TMTC4: variants seen among roughly 807,000 people sequenced by gnomAD.
The protein encoded by TMTC4 is protein O-mannosyl-transferase TMTC4.
A neutral mutation model predicts 86.0 loss-of-function variants in TMTC4; 65 were observed. The ratio of observed to expected loss-of-function variants is 0.76; its 90% CI spans 0.62 to 0.93. TMTC4 has a LOEUF of 0.93. Ranked by LOEUF, TMTC4 falls within the 40% of genes least tolerant of loss-of-function variation. The pLI, the probability that TMTC4 is intolerant of heterozygous loss-of-function variation, is 0.00. For synonymous variants in TMTC4, 379 were observed against 382.5 expected, an observed-to-expected ratio of 0.99 and a Z score of 0.11; for missense variants, 866 against 948.1, an observed-to-expected ratio of 0.91 and a Z score of 1.14.
chr13:100,667,966 ATAG>A (rs1202538371), intron 3 of TMTC4, among the ~76,000 whole-genome samples: 1 of 152,210 alleles, frequency 6.6e-6, no homozygotes, highest in African/African-American at 2.4e-5. Context: ...GCACTGATAC[ATAG>A]CAACCACTGG....
In TMTC4 at chr13:100,663,106, A is replaced by G; in HGVS notation, c.410T>C (p.Ile137Thr). 6.2e-7 allele frequency: 1 copy of G among 1,614,238 alleles called. No homozygotes were observed. The highest frequency in any genetic ancestry group is 8.5e-7 in the Non-Finnish European group (1 of 1,180,048). The change falls in exon 5 of 19, where the codon ATC becomes ACC. Residue 137 changes from isoleucine to threonine, a missense_variant. Physicochemically the swap from Ile to Thr is moderately conservative, Grantham distance 89. Transcript: ENST00000342624. Reference protein sequence around the residue: ...HVVNILLHSGISVLMVDVFSV... With the variant: ...HVVNILLHSGTSVLMVDVFSV... ...GAAGACGTCCACCATGAGGACAGAG[A>G]TGCCACTGTGCAGGAGGATGTTGAC...
chr13:100,654,105 A>G (rs1005265086), intron 6 of TMTC4, among the ~76,000 whole-genome samples: 1 of 152,164 alleles, frequency 6.6e-6, no homozygotes, highest in Non-Finnish European at 1.5e-5. Context: ...GGTCAACAGA[A>G]AGCATTCTTC....
Position 100,664,180 on chromosome 13 carries a change from C to A in TMTC4, c.335+41G>T. Reference sequence around the variant, plus strand: ...ACCTGTATCCAATGTCACACACAAGCTGGGAGGGACCTTCCCAGGCCCTTC... The same window carrying A: ...ACCTGTATCCAATGTCACACACAAGATGGGAGGGACCTTCCCAGGCCCTTC... On this transcript the variant is annotated intron_variant, in intron 4 of 18. Transcript: ENST00000342624. 3 of 1,531,586 alleles carry A rather than the reference C, an allele frequency of 2.0e-6. No individual in the cohort carries two copies. In the South Asian group the frequency reaches 3.8e-5, roughly 19 times the overall value. 94.9% of individuals were successfully genotyped at this position (1,531,586 alleles called of 1,614,324 possible).
At chr13:100,628,592 T>C (rs1566586312) in intron 12 of TMTC4, among the ~76,000 whole-genome samples, 1 of 152,138 alleles carries the variant, frequency 6.6e-6, no homozygotes. Context: ...ATAGGAATTT[T>C]ACCTCCATTT....
At chr13:100,651,500 A>AG (rs1165668023) in intron 6 of TMTC4, among the ~76,000 whole-genome samples, 2 of 19,654 alleles carry the variant, frequency 1.0e-4, no homozygotes, top group Non-Finnish European at 3.7e-4. Flanking sequence ...ATGCACCAAA[A>AG]AAAAAAAAAA....
At chr13:100,656,288 A>G (rs1230885624) in intron 6 of TMTC4, 93 bp downstream of exon 6, 13 of 1,091,488 alleles carry the variant, frequency 1.2e-5, no homozygotes, top group Non-Finnish European at 1.6e-5. Context: ...ACACACTCAC[A>G]TAGATGGATT....
chr13:100,660,603 C>T (rs1356479148), intron 5 of TMTC4, among the ~76,000 whole-genome samples: 3 of 151,462 alleles, frequency 2.0e-5, no homozygotes, highest in Non-Finnish European at 4.4e-5. Context: ...GGGAGGAGCT[C>T]GCCTGCCACC....
At chr13:100,619,662 T>C (rs1445465031) in intron 15 of TMTC4, among the ~76,000 whole-genome samples, 2 of 152,238 alleles carry the variant, frequency 1.3e-5, no homozygotes, top group Non-Finnish European at 1.5e-5. Context: ...TTGCTAAAGA[T>C]GTTGTGGGAA....
intron 15 of TMTC4, among the ~76,000 whole-genome samples, chr13:100,616,708 C>T (rs1203018607): frequency 6.6e-6 from 1 of 152,166 alleles, no homozygotes; most frequent in Admixed American, 6.5e-5. Flanking sequence ...ATAACAGCCA[C>T]TCTGACTGGT....
chr13:100,654,068 C>T (rs1051213748), intron 6 of TMTC4, among the ~76,000 whole-genome samples: 7 of 152,208 alleles, frequency 4.6e-5, no homozygotes, highest in Admixed American at 1.3e-4. Context: ...ACAGATCCCA[C>T]GAAGACGGGG....
At chr13:100,623,640 GTTTTGTTTTTTTT>G (rs1393911864) in intron 15 of TMTC4, among the ~76,000 whole-genome samples, 72 of 96,184 alleles carry the variant, frequency 7.5e-4, no homozygotes, top group African/African-American at 2.3e-3. Context: ...TACTAGTTGG[GTTTTGTTTTTTTT>G]TTTTTTTTTT....
chr13:100,655,016 A>ATTTTT (rs35965658), intron 6 of TMTC4, among the ~76,000 whole-genome samples: 30 of 118,626 alleles, frequency 2.5e-4, no homozygotes, highest in Non-Finnish European at 2.7e-4. Context: ...CACAACGCCT[A>ATTTTT]TTTTTTTTTT....
upstream of TMTC4, chr13:100,674,919 G>A: frequency 1.0e-6 from 1 of 984,606 alleles, no homozygotes; most frequent in South Asian, 4.7e-5. Context: ...CACCAGTCTC[G>A]GCCCGCCCCC....
At chr13:100,657,905 T>A (rs988042598) in intron 5 of TMTC4, among the ~76,000 whole-genome samples, 4 of 152,180 alleles carry the variant, frequency 2.6e-5, no homozygotes, top group African/African-American at 9.7e-5. Flanking sequence ...GACCTCCTGA[T>A]GGTTGGTACG....
At chr13:100,656,541 A>ATTTTTTT in intron 5 of TMTC4, 73 bp from the exon 6 acceptor site, 1 of 462,940 alleles carries the variant, frequency 2.2e-6, no homozygotes, top group East Asian at 6.3e-5. Flanking sequence ...AGGAGACATA[A>ATTTTTTT]CTTTTTTTTT....
intron 12 of TMTC4, 63 bp downstream of exon 12, chr13:100,634,742 A>G: frequency 6.5e-7 from 1 of 1,549,978 alleles, no homozygotes; most frequent in Non-Finnish European, 8.7e-7. Context: ...GTTCTTATTC[A>G]GCCCAAGAAC....
At chr13:100,636,865 T>G in intron 9 of TMTC4, 131 bp from the exon 10 acceptor site, 1 of 889,248 alleles carries the variant, frequency 1.1e-6, no homozygotes, top group South Asian at 1.6e-5. Context: ...AATAAAATGT[T>G]GCCAACGTGT....
Position 100,604,341 on chromosome 13 carries a change from T to C in TMTC4, c.*653A>G, listed in dbSNP as rs1400351612. ...TTACATTACATAATCTCCTGTGTAT[T>C]GAAATTGCACAAGTCAGAGCATCCA... On this transcript the variant is annotated 3_prime_UTR_variant, in exon 19 of 19. Transcript: ENST00000342624. 6.6e-6 allele frequency: 1 copy of C among 152,642 alleles called. No individual in the cohort carries two copies. Among genetic ancestry groups the C allele is most frequent in the African/African-American group, 2.4e-5 (1 of 41,466 alleles). The allele number at this position is 152,642 out of a possible 1,614,324, so 9.5% of individuals were successfully genotyped here.
At position 100,605,110 on chromosome 13, in the gene TMTC4, A is replaced by G. The variant is rs1876370734; in HGVS notation, c.2167T>C (p.Leu723=). Residue 723 remains leucine (L), a synonymous_variant, in exon 19 of 19, where the codon TTG becomes CTG. Transcript: ENST00000342624. The surrounding 1 kb of genome is among the most constrained non-coding windows in gnomAD (Gnocchi z 4.3). The part of the protein sequence containing the change: ...VLYHRWGHLD[L]AKKHYEISLQ... ...GAGATTTCATAGTGTTTCTTGGCCA[A>G]GTCTAGATGTCCCCAACGATGATAA... 1.2e-6 allele frequency: 2 copies of G among 1,613,092 alleles called. No homozygotes were observed. The highest frequency in any genetic ancestry group is 1.7e-6 in the Non-Finnish European group (2 of 1,179,682).
Sources: gnomAD v4.1 joint callset for allele counts (sites outside exome capture counted in the v4.1 genomes callset) on GRCh38, gnomAD v4.1.1 for gene constraint, Gnocchi (gnomAD v3.1) non-coding constraint, MANE v1.5 for transcripts, NCBI Gene and HGNC (gene_info 2026-07-23, HGNC 2026-07-21) for gene names.